The following TMEFF1 variants were observed in gnomAD, a reference collection of about 807,000 sequenced individuals.
TMEFF1 encodes tomoregulin-1.
TMEFF1 carries 20 observed loss-of-function variants against 47.5 expected under a neutral mutation model. That is an observed-to-expected ratio of 0.42 (90% confidence interval 0.30 to 0.61). TMEFF1 has a LOEUF of 0.61. Among genes scored for constraint, TMEFF1 ranks in the 20% least tolerant of loss-of-function variants. The pLI is 0.19. For missense variants in TMEFF1, 411 were observed against 471.1 expected, an observed-to-expected ratio of 0.87 and a Z score of 1.18; for synonymous variants, 162 against 166.3, an observed-to-expected ratio of 0.97 and a Z score of 0.20.
At chr9:100,544,548 G>A (rs1431852549) in intron 5 of TMEFF1, among the ~76,000 whole-genome samples, 1 of 152,200 alleles carries the variant, frequency 6.6e-6, no homozygotes, top group Non-Finnish European at 1.5e-5. Context: ...GGGAGTTACA[G>A]TTTAAGATGA....
At chr9:100,496,097 G>A (rs1007987272) in intron 1 of TMEFF1, among the ~76,000 whole-genome samples, 1 of 152,168 alleles carries the variant, frequency 6.6e-6, no homozygotes, top group African/African-American at 2.4e-5. Context: ...TTATCACTTC[G>A]TTTTTAGTGA....
At chr9:100,544,277 G>T (rs1838692775) in intron 5 of TMEFF1, among the ~76,000 whole-genome samples, 1 of 152,068 alleles carries the variant, frequency 6.6e-6, no homozygotes, top group Non-Finnish European at 1.5e-5. Flanking sequence ...TGGGCAATTT[G>T]CAAAAGAAAG....
chr9:100,476,299 T>G (rs945901643), intron 1 of TMEFF1, among the ~76,000 whole-genome samples: 1 of 152,214 alleles, frequency 6.6e-6, no homozygotes, highest in Non-Finnish European at 1.5e-5. Flanking sequence ...TAATACAGTC[T>G]GGACACACAC....
chr9:100,551,587 G>C (rs1838827485), intron 7 of TMEFF1, among the ~76,000 whole-genome samples: 1 of 152,140 alleles, frequency 6.6e-6, no homozygotes, highest in Admixed American at 6.5e-5. Context: ...GCACTTGTGT[G>C]CCATTGATAA....
chr9:100,476,790 G>A (rs967607279), intron 1 of TMEFF1, among the ~76,000 whole-genome samples: 4 of 148,040 alleles, frequency 2.7e-5, no homozygotes, highest in East Asian at 2.0e-4. Flanking sequence ...TCCGCCTCCC[G>A]GGTTCGCGCC....
At chr9:100,479,055 A>T (rs1306027842) in intron 1 of TMEFF1, among the ~76,000 whole-genome samples, 1 of 152,204 alleles carries the variant, frequency 6.6e-6, no homozygotes, top group Non-Finnish European at 1.5e-5. Context: ...GAAGTGCCTT[A>T]TTTGTGGCAA....
chr9:100,482,473 C>A (rs1837361482), intron 1 of TMEFF1, among the ~76,000 whole-genome samples: 1 of 152,220 alleles, frequency 6.6e-6, no homozygotes, highest in Non-Finnish European at 1.5e-5. Context: ...GCTGGGATTA[C>A]AGGCGTGAGC....
chr9:100,495,021 C>T (rs1837625556), intron 1 of TMEFF1, among the ~76,000 whole-genome samples: 2 of 151,792 alleles, frequency 1.3e-5, no homozygotes, highest in Admixed American at 6.6e-5. Context: ...ATGAAAAAAC[C>T]CCTTAAAAAT....
At chr9:100,516,892 T>C in intron 5 of TMEFF1, 121 bp downstream of exon 5, 4 of 1,161,668 alleles carry the variant, frequency 3.4e-6, no homozygotes, top group Non-Finnish European at 4.7e-6. Context: ...ATTTTTTTTT[T>C]GTTTAATGCT....
intron 2 of TMEFF1, among the ~76,000 whole-genome samples, chr9:100,503,306 C>A (rs1837801362): frequency 6.6e-6 from 1 of 151,800 alleles, no homozygotes; most frequent in South Asian, 2.1e-4. Flanking sequence ...TAAACAAAGC[C>A]ACTTTTGCTA....
rs754136515 is a variant in TMEFF1, at chr9:100,478,422, G to A, written c.196+4682G>A. On this transcript the variant is annotated intron_variant, in intron 1 of 9. Coordinates refer to ENST00000374879, the MANE Select transcript of TMEFF1 (RefSeq NM_003692.5). ...TGCAGCCTCAGCTTCTTGGGCTCAG[G>A]TGATTCTCAGCCTCCTCAGTAGTTC... is the stretch of plus-strand genomic sequence containing the variant. Among the ~76,000 whole-genome samples the A allele has an allele frequency of 7.2e-4, 109 of 152,128 alleles. 1 individual carries two copies. Among genetic ancestry groups the A allele is most frequent in the Non-Finnish European group, 6.2e-4 (42 of 68,016 alleles).
intron 1 of TMEFF1, among the ~76,000 whole-genome samples, chr9:100,477,874 A>G (rs761272072): frequency 1.3e-4 from 20 of 151,850 alleles, no homozygotes; most frequent in Non-Finnish European, 2.4e-4. Flanking sequence ...CAATCCGCCT[A>G]CCTCGGCCTT....
chr9:100,509,898 T>C (rs533995857), intron 3 of TMEFF1, among the ~76,000 whole-genome samples: 1 of 152,328 alleles, frequency 6.6e-6, no homozygotes, highest in South Asian at 2.1e-4. Flanking sequence ...TACTTCATCT[T>C]TTTTTTCCTT....
intron 1 of TMEFF1, among the ~76,000 whole-genome samples, chr9:100,477,869 C>T (rs990992029): frequency 2.6e-5 from 4 of 152,010 alleles, no homozygotes; most frequent in Admixed American, 2.6e-4. Flanking sequence ...TCAGGCAATC[C>T]GCCTACCTCG....
At chr9:100,547,926 T>C in intron 6 of TMEFF1, 34 bp downstream of exon 6, 1 of 1,497,258 alleles carries the variant, frequency 6.7e-7, no homozygotes, top group Non-Finnish European at 8.9e-7. Flanking sequence ...GAGACCCATC[T>C]TTATTATTGT....
intron 1 of TMEFF1, among the ~76,000 whole-genome samples, chr9:100,474,849 A>G (rs780093527): frequency 4.6e-5 from 7 of 152,134 alleles, no homozygotes; most frequent in Non-Finnish European, 1.0e-4. Context: ...AGTGGATAAC[A>G]CTGGGGAGGA....
At chr9:100,532,095 G>A (rs199546921) in intron 5 of TMEFF1, among the ~76,000 whole-genome samples, 6,268 of 151,102 alleles carry the variant, frequency 0.041, 303 homozygotes, top group South Asian at 0.21. Flanking sequence ...TCAATTCAAG[G>A]TGGATTAAAG....
chr9:100,547,720 G>C, intron 5 of TMEFF1, 24 bp from the exon 6 acceptor site: 1 of 1,463,748 alleles, frequency 6.8e-7, no homozygotes, highest in Non-Finnish European at 9.1e-7. Context: ...GTAAAATATA[G>C]GTAATTTTTG....
intron 6 of TMEFF1, among the ~76,000 whole-genome samples, chr9:100,548,343 A>C (rs570061828): frequency 1.3e-5 from 2 of 152,142 alleles, no homozygotes; most frequent in Non-Finnish European, 2.9e-5. Context: ...ATTATGTATG[A>C]TACAGATTTT....
Sources: allele counts gnomAD v4.1 joint callset (sites outside exome capture counted in the v4.1 genomes callset), GRCh38; gene constraint gnomAD v4.1.1; transcripts MANE v1.5; gene names NCBI Gene and HGNC (gene_info 2026-07-23, HGNC 2026-07-21).